The following PRIMPOL variants were observed in gnomAD, a reference collection of about 807,000 sequenced individuals.
PRIMPOL encodes primase and DNA directed polymerase, also known as DNA-directed primase/polymerase protein.
Under a neutral mutation model 63.6 loss-of-function variants are expected in PRIMPOL, and 54 were observed. The observed-to-expected ratio is 0.85, with a 90% CI of 0.68 to 1.07. PRIMPOL has a LOEUF of 1.07. PRIMPOL is among the 50% of genes least tolerant of loss of function. The probability of loss-of-function intolerance (pLI) is 0.00; values close to 1 mark genes in which losing one functional copy is unlikely to be tolerated. For synonymous variants in PRIMPOL, 197 were observed against 220.2 expected (o/e 0.89, Z 0.93); for missense variants, 610 against 648.3 (o/e 0.94, Z 0.64).
In PRIMPOL at chr4:184,659,414, A is replaced by G; in HGVS notation, c.255A>G (p.Glu85=). The G allele has an allele frequency of 1.2e-6, 2 of 1,613,644 alleles. No homozygotes were observed. Among genetic ancestry groups the G allele is most frequent in the Non-Finnish European group, 1.7e-6 (2 of 1,179,556 alleles). ...QRIYLVTTYA[E]FWFYYKSRKN... ...TTTACCTTGTGACAACCTATGCTGA[A>G]TTTTGGTTTTACTATAAATCCAGGT... Residue 85 remains glutamate (E), a synonymous_variant, in exon 4 of 14, where the codon GAA becomes GAG. Coordinates refer to ENST00000314970, the MANE Select transcript of PRIMPOL (RefSeq NM_152683.4).
chr4:184,687,805 G>A (rs1482733681), intron 11 of PRIMPOL, among the ~76,000 whole-genome samples: 4 of 151,972 alleles, frequency 2.6e-5, no homozygotes, highest in Admixed American at 6.6e-5. Flanking sequence ...TAGTAGAGAC[G>A]GGGTTTCTGC....
chr4:184,682,955 C>CA (rs1756041629), intron 9 of PRIMPOL, among the ~76,000 whole-genome samples: 1 of 152,092 alleles, frequency 6.6e-6, no homozygotes, highest in African/African-American at 2.4e-5. Context: ...GAGGCTAAGG[C>CA]AGGAGGATCT....
At chr4:184,673,167 T>C (rs1395391695) in intron 7 of PRIMPOL, among the ~76,000 whole-genome samples, 1 of 151,312 alleles carries the variant, frequency 6.6e-6, no homozygotes, top group Non-Finnish European at 1.5e-5. Flanking sequence ...TCCCGCTCTT[T>C]AGCCCAGGCC....
intron 3 of PRIMPOL, 45 bp downstream of exon 3, chr4:184,657,365 CTCTTCTTTCT>C (rs1560942520): frequency 7.3e-7 from 1 of 1,364,746 alleles, no homozygotes; most frequent in African/African-American, 1.5e-5. Context: ...CTTCCACTTC[CTCTTCTTTCT>C]TCTTCTTCTT....
chr4:184,673,232 C>A (rs1252438616), intron 7 of PRIMPOL, among the ~76,000 whole-genome samples: 2 of 151,140 alleles, frequency 1.3e-5, no homozygotes, highest in East Asian at 1.9e-4. Context: ...CGGGTTCACG[C>A]CATTCTCCTG....
intron 9 of PRIMPOL, among the ~76,000 whole-genome samples, chr4:184,682,675 T>A (rs1755943073): frequency 6.6e-6 from 1 of 152,158 alleles, no homozygotes; most frequent in Non-Finnish European, 1.5e-5. Context: ...AAAAATAATT[T>A]CCTATCAAAA....
chr4:184,691,538 A>G lies in PRIMPOL; in HGVS notation c.1335A>G (p.Lys445=). 2 of 1,607,434 alleles carry G rather than the reference A, an allele frequency of 1.2e-6. No homozygotes were observed. Among genetic ancestry groups the G allele is most frequent in the Non-Finnish European group, 1.7e-6 (2 of 1,176,428 alleles). The change falls in exon 12 of 14, where the codon AAA becomes AAG. Residue 445 remains lysine, a synonymous_variant. Coordinates refer to ENST00000314970, the MANE Select transcript of PRIMPOL (RefSeq NM_152683.4). ...VDLKNEVWYQ[K]CHDPVCKAEN... ...TGAAAAATGAAGTTTGGTATCAAAA[A>G]TGTCATGACCCTGTATGTAAAGCAG...
At chr4:184,661,932 T>TGCTA in intron 5 of PRIMPOL, 29 bp downstream of exon 5, 1 of 1,399,590 alleles carries the variant, frequency 7.1e-7, no homozygotes, top group Non-Finnish European at 9.5e-7. Flanking sequence ...TTTTTCTTAT[T>TGCTA]TCTATCCATC....
At chr4:184,694,490 C>G (rs778905221) in intron 13 of PRIMPOL, 32 bp from the exon 14 acceptor site, 1 of 1,595,294 alleles carries the variant, frequency 6.3e-7, no homozygotes, top group African/African-American at 1.3e-5. Flanking sequence ...TTTTCCTATC[C>G]CACTCTCTAT....
chr4:184,659,482 T>G, intron 4 of PRIMPOL, 45 bp downstream of exon 4: 1 of 1,381,414 alleles, frequency 7.2e-7, no homozygotes, highest in Non-Finnish European at 1.0e-6. Flanking sequence ...AGAGTTCCAT[T>G]TCCTTTGCCT....
intron 3 of PRIMPOL, among the ~76,000 whole-genome samples, chr4:184,658,035 T>TAA (rs1553988171): frequency 6.8e-6 from 1 of 147,050 alleles, no homozygotes; most frequent in Non-Finnish European, 1.5e-5. Context: ...AATAAATAAA[T>TAA]ATCACTAAAT....
At chr4:184,653,405 C>T (rs1745292675) in intron 2 of PRIMPOL, among the ~76,000 whole-genome samples, 1 of 152,154 alleles carries the variant, frequency 6.6e-6, no homozygotes, top group Non-Finnish European at 1.5e-5. Flanking sequence ...CTAGCTTGAC[C>T]CCCTTTGGTT....
chr4:184,690,590 G>C (rs1330932499), intron 11 of PRIMPOL, among the ~76,000 whole-genome samples: 1 of 151,712 alleles, frequency 6.6e-6, no homozygotes, highest in Non-Finnish European at 1.5e-5. Context: ...CTCCCAAGTA[G>C]CTGGGATTAC....
At chr4:184,670,026 T>C (rs977745974) in intron 6 of PRIMPOL, among the ~76,000 whole-genome samples, 6 of 152,342 alleles carry the variant, frequency 3.9e-5, no homozygotes, top group Non-Finnish European at 7.3e-5. Context: ...TTTGCTGTCA[T>C]ACCTGAAATT....
chr4:184,672,727 G>C (rs1237988199), intron 7 of PRIMPOL, among the ~76,000 whole-genome samples: 1 of 152,170 alleles, frequency 6.6e-6, no homozygotes, highest in East Asian at 1.9e-4. Context: ...TGCTGAGGGA[G>C]TTTTACAGGG....
chr4:184,662,778 G>A (rs2150056960), intron 5 of PRIMPOL, among the ~76,000 whole-genome samples: 1 of 151,936 alleles, frequency 6.6e-6, no homozygotes, highest in East Asian at 1.9e-4. Context: ...AGTATTCTCT[G>A]TTGGACCTCT....
rs1353826769 is a variant in PRIMPOL at position 184,657,074 on chromosome 4, TG to T, written c.-59-7del. ...ATTAATGGCCTTTTTGTTTGTTGTT[TG>T]TTTTAGTAGTAATTGATAGAAATAT... On this transcript the variant is annotated splice_region_variant and splice_polypyrimidine_tract_variant and intron_variant, in intron 2 of 13. Coordinates refer to ENST00000314970, the MANE Select transcript of PRIMPOL (RefSeq NM_152683.4). 74 of 1,194,602 alleles carry T rather than the reference TG, an allele frequency of 6.2e-5. No individual in the cohort carries two copies. Among genetic ancestry groups the T allele is most frequent in the Admixed American group, 1.5e-4 (5 of 34,304 alleles). The allele number at this position is 1,194,602 out of a possible 1,614,324, so 74.0% of individuals were successfully genotyped here.
chr4:184,679,384 A>G (rs1171795758), intron 8 of PRIMPOL, among the ~76,000 whole-genome samples: 1 of 152,198 alleles, frequency 6.6e-6, no homozygotes, highest in Non-Finnish European at 1.5e-5. Flanking sequence ...TGAGCCCAGG[A>G]GTTCAAAGCT....
chr4:184,680,233 G>A (rs183054090), intron 8 of PRIMPOL, among the ~76,000 whole-genome samples: 66 of 152,196 alleles, frequency 4.3e-4, no homozygotes, highest in Non-Finnish European at 4.9e-4. Context: ...TGTGGCCTAG[G>A]CTGGAGTGCA....
Sources: allele counts gnomAD v4.1 joint callset (sites outside exome capture counted in the v4.1 genomes callset), GRCh38; gene constraint gnomAD v4.1.1; transcripts MANE v1.5; gene names NCBI Gene and HGNC (gene_info 2026-07-23, HGNC 2026-07-21).